Variants in PKD1L3 observed in about 807,000 individuals in gnomAD.
PKD1L3 encodes polycystin-1-like protein 3.
In PKD1L3, 239 loss-of-function variants were observed where a neutral mutation model predicts 184.1. That is an observed-to-expected ratio of 1.30 (90% CI 1.17 to 1.45). The LOEUF is 1.45. Ranked by LOEUF, PKD1L3 falls within the 40% of genes most tolerant of loss-of-function variation. The pLI is 0.00. For missense variants in PKD1L3, 2,660 were observed against 2,067.2 expected (o/e 1.29, Z -5.56); for synonymous variants, 996 against 778.8 (o/e 1.28, Z -4.64).
At chr16:71,993,723 C>A (rs942683382) in intron 2 of PKD1L3, among the ~76,000 whole-genome samples, 4 of 152,156 alleles carry the variant, frequency 2.6e-5, no homozygotes, top group African/African-American at 7.2e-5. Context: ...TAATATTCTC[C>A]TTTGAGTTCT....
intron 28 of PKD1L3, among the ~76,000 whole-genome samples, chr16:71,932,804 T>TTA (rs2038030165): frequency 8.1e-6 from 1 of 122,944 alleles, no homozygotes; most frequent in Non-Finnish European, 1.8e-5. Flanking sequence ...TTTTTTTTTT[T>TTA]TAATTTAAAT....
rs114178218 is a variant in PKD1L3 at position 71,934,878 on chromosome 16, T to C, written c.4613+480A>G. 6.1e-3 allele frequency among the ~76,000 whole-genome samples: 928 copies of C among 152,280 alleles called. 13 individuals carry two copies. Among genetic ancestry groups the C allele is most frequent in the African/African-American group, 0.02 (835 of 41,570 alleles). On this transcript the variant is annotated intron_variant, in intron 26 of 29. Transcript: ENST00000620267. ...TTGGCAACACTTGGCATGGGAAACA[T>C]AGATGTTCCTCTCCATGGGAAAAAC...
intron 3 of PKD1L3, chr16:71,991,283 C>T (rs1456604414): frequency 1.3e-5 from 3 of 230,360 alleles, no homozygotes; most frequent in Admixed American, 1.2e-4. Flanking sequence ...TCACATGATC[C>T]TGAAAGTCTT....
chr16:71,990,233 A>C, intron 4 of PKD1L3, 47 bp downstream of exon 4: 1 of 1,452,960 alleles, frequency 6.9e-7, no homozygotes, highest in Non-Finnish European at 9.4e-7. Flanking sequence ...TAGGTATGAC[A>C]AAGAGATCAA....
intron 22 of PKD1L3, among the ~76,000 whole-genome samples, chr16:71,945,383 CATAT>C (rs1220889537): frequency 7.0e-5 from 4 of 56,970 alleles, no homozygotes; most frequent in African/African-American, 1.7e-4. Flanking sequence ...CGCACACACA[CATAT>C]ATATATATAT....
intron 16 of PKD1L3, 43 bp from the exon 17 acceptor site, chr16:71,954,344 C>A: frequency 1.4e-6 from 2 of 1,427,114 alleles, no homozygotes; most frequent in South Asian, 1.4e-5. Flanking sequence ...AGATTTTATT[C>A]TGAAAGTGCA....
At chr16:71,961,643 A>G (rs891025932) in intron 16 of PKD1L3, among the ~76,000 whole-genome samples, 15 of 152,040 alleles carry the variant, frequency 9.9e-5, no homozygotes, top group African/African-American at 3.4e-4. Context: ...TGAGCGAATC[A>G]TTTTTGGAAA....
chr16:71,945,299 T>TAC (rs1226637310), intron 22 of PKD1L3, among the ~76,000 whole-genome samples: 8 of 65,946 alleles, frequency 1.2e-4, no homozygotes, highest in African/African-American at 5.5e-4. Flanking sequence ...TATATATATA[T>TAC]ATATATACAC....
chr16:71,988,005 T>A (rs750554509), intron 4 of PKD1L3, among the ~76,000 whole-genome samples: 10 of 152,014 alleles, frequency 6.6e-5, no homozygotes, highest in Non-Finnish European at 1.3e-4. Context: ...ATCAGGCAGT[T>A]GAAGGGAATG....
chr16:71,931,918 C>T (rs2037987214), intron 28 of PKD1L3, among the ~76,000 whole-genome samples: 1 of 152,098 alleles, frequency 6.6e-6, no homozygotes, highest in South Asian at 2.1e-4. Flanking sequence ...TTGTGGGAGA[C>T]AGTCTCGCTC....
intron 1 of PKD1L3, among the ~76,000 whole-genome samples, chr16:71,999,082 T>C (rs972049636): frequency 1.3e-5 from 2 of 151,812 alleles, no homozygotes; most frequent in Non-Finnish European, 2.9e-5. Flanking sequence ...CCATCCTGGC[T>C]AACACAGTGA....
chr16:71,932,972 A>G (rs1019555071), intron 28 of PKD1L3, among the ~76,000 whole-genome samples: 1 of 150,786 alleles, frequency 6.6e-6, no homozygotes, highest in Non-Finnish European at 1.5e-5. Flanking sequence ...TTTTATTTTT[A>G]GTAGAGACAA....
In PKD1L3 at chr16:71,999,672, C is replaced by A. The variant is rs1278664661; in HGVS notation, c.295+12G>T. 10 of 1,516,268 alleles carry A rather than the reference C, an allele frequency of 6.6e-6. No individual in the cohort carries two copies. Among genetic ancestry groups the A allele is most frequent in the Non-Finnish European group, 8.9e-6 (10 of 1,127,282 alleles). The allele number at this position is 1,516,268 out of a possible 1,614,324, so 93.9% of individuals were successfully genotyped here. A position where few individuals can be genotyped will look rare whatever the true frequency, so the allele number is the denominator to read the frequency against. ...AAGTTTCCTTCATAAACACTGAACCCCAGGGTCTTACCTGGGTATTTGTTG... is the reference window on the plus strand; with the variant it reads ...AAGTTTCCTTCATAAACACTGAACCACAGGGTCTTACCTGGGTATTTGTTG... On this transcript the variant is annotated intron_variant, in intron 1 of 29. Coordinates refer to ENST00000620267, the MANE Select transcript of PKD1L3 (RefSeq NM_181536.2).
At chr16:71,946,789 A>G (rs1159770405) in intron 22 of PKD1L3, among the ~76,000 whole-genome samples, 1 of 69,026 alleles carries the variant, frequency 1.4e-5, no homozygotes, top group Non-Finnish European at 3.0e-5. Flanking sequence ...GCAGTGGAGA[A>G]CAGCACCTGG....
intron 2 of PKD1L3, among the ~76,000 whole-genome samples, chr16:71,993,696 A>G (rs908192665): frequency 7.9e-5 from 12 of 152,344 alleles, no homozygotes; most frequent in Non-Finnish European, 1.6e-4. Context: ...CATAAATGGA[A>G]AATTCCATAC....
rs1375380892 is a variant in PKD1L3 at position 71,963,433 on chromosome 16, G to GTAAACTGTCCAAGTAAA, written c.2466-99_2466-83dup. The GTAAACTGTCCAAGTAAA allele has an allele frequency of 4.5e-6, 6 of 1,346,564 alleles. No homozygotes were observed. The Admixed American group carries it at 1.4e-4, about 32-fold the overall frequency. The allele number at this position is 1,346,564 out of a possible 1,614,324, so 83.4% of individuals were successfully genotyped here. ...AGTAAGACGTAATCTCAGACCATTA[G>GTAAACTGTCCAAGTAAA]TAAACTGTCCAAGTAAATGAACTGT... On this transcript the variant is annotated intron_variant, in intron 15 of 29. Transcript: ENST00000620267.
chr16:71,947,496 G>A lies in PKD1L3; in HGVS notation c.3714C>T (p.Leu1238=), dbSNP rs1372977106. The A allele has an allele frequency of 6.6e-7, 1 of 1,524,420 alleles. No homozygotes were observed. Among genetic ancestry groups the A allele is most frequent in the East Asian group, 2.5e-5 (1 of 40,760 alleles). The allele number at this position is 1,524,420 out of a possible 1,614,324, so 94.4% of individuals were successfully genotyped here. A position where few individuals can be genotyped will look rare whatever the true frequency, so the allele number is the denominator to read the frequency against. ...TGTTAGAACTACTTGAGTTACCCAA[G>A]AGTGCCAAGATCCTCTTTGTTTGTT... is the stretch of plus-strand genomic sequence containing the variant. ...NEQQTKRILA[L]LAKCSSSVPG... is the part of the protein sequence containing the mutation. The change falls in exon 22 of 30, where the codon CTC becomes CTT. Residue 1238 remains leucine (L), a synonymous_variant. Coordinates refer to ENST00000620267, the MANE Select transcript of PKD1L3 (RefSeq NM_181536.2).
intron 4 of PKD1L3, among the ~76,000 whole-genome samples, chr16:71,988,779 C>T (rs554567974): frequency 5.5e-4 from 84 of 152,156 alleles, no homozygotes; most frequent in Non-Finnish European, 9.7e-4. Context: ...CAGGAGCCCT[C>T]ATAAAAAAAA....
chr16:71,929,760 T>G (rs1208598134), intron 29 of PKD1L3, 82 bp from the exon 30 acceptor site: 2 of 1,290,808 alleles, frequency 1.5e-6, no homozygotes, highest in Non-Finnish European at 2.1e-6. Flanking sequence ...CCAAAGATTT[T>G]TAAAAAATTA....
Sources: gnomAD v4.1 joint callset for allele counts (sites outside exome capture counted in the v4.1 genomes callset) on GRCh38, gnomAD v4.1.1 for gene constraint, MANE v1.5 for transcripts, NCBI Gene and HGNC (gene_info 2026-07-23, HGNC 2026-07-21) for gene names.